FAF1: variants seen among roughly 807,000 people sequenced by gnomAD.
FAF1 encodes FAS-associated factor 1.
Under a neutral mutation model 92.5 loss-of-function variants are expected in FAF1, and 25 were observed. The ratio of observed to expected loss-of-function variants is 0.27; its 90% CI spans 0.20 to 0.38. The LOEUF is 0.38. FAF1 is among the 10% of genes least tolerant of loss of function. FAF1 has a pLI of 1.00. For missense variants in FAF1, 636 were observed against 793.3 expected (o/e 0.80, Z 2.38); for synonymous variants, 234 against 273.2 (o/e 0.86, Z 1.42).
intron 17 of FAF1, among the ~76,000 whole-genome samples, chr1:50,480,973 C>T (rs1646697264): frequency 6.6e-6 from 1 of 151,732 alleles, no homozygotes; most frequent in Admixed American, 6.6e-5. Context: ...TTGTGTAGGC[C>T]TAGCCTAATG....
intron 7 of FAF1, among the ~76,000 whole-genome samples, chr1:50,680,605 C>T (rs1437518162): frequency 1.3e-5 from 2 of 151,966 alleles, no homozygotes; most frequent in African/African-American, 4.8e-5. Context: ...ATCACTTGAA[C>T]CCGAGAGGCA....
chr1:50,693,387 C>CAT (rs1490835061), intron 7 of FAF1, among the ~76,000 whole-genome samples: 1 of 152,120 alleles, frequency 6.6e-6, no homozygotes, highest in Non-Finnish European at 1.5e-5. Context: ...TTCTAGTGCA[C>CAT]TGATCTATCT....
intron 1 of FAF1, among the ~76,000 whole-genome samples, chr1:50,891,195 C>T (rs142926350): frequency 1.1e-4 from 16 of 152,190 alleles, no homozygotes; most frequent in South Asian, 2.1e-4. Context: ...TCTTGTGCCA[C>T]GGTTTTCAGT....
At chr1:50,539,911 C>T (rs1317253009) in intron 13 of FAF1, among the ~76,000 whole-genome samples, 183 bp from the exon 14 acceptor site, 1 of 152,064 alleles carries the variant, frequency 6.6e-6, no homozygotes, top group Non-Finnish European at 1.5e-5. Context: ...AAGTGATTAT[C>T]ATATAGAAAA....
At chr1:50,812,877 A>G (rs974604689) in intron 2 of FAF1, among the ~76,000 whole-genome samples, 2 of 152,210 alleles carry the variant, frequency 1.3e-5, no homozygotes, top group Non-Finnish European at 2.9e-5. Context: ...AGACCACAGA[A>G]TAACTACCCA....
intron 1 of FAF1, among the ~76,000 whole-genome samples, chr1:50,875,994 A>G (rs7545860): frequency 0.013 from 2,035 of 152,314 alleles, 19 homozygotes; most frequent in Middle Eastern, 0.02. Flanking sequence ...GAATGCTCCA[A>G]CTATTGCCCT....
At chr1:50,786,070 T>C (rs1389776689) in intron 4 of FAF1, among the ~76,000 whole-genome samples, 1 of 151,208 alleles carries the variant, frequency 6.6e-6, no homozygotes, top group Non-Finnish European at 1.5e-5. Flanking sequence ...AGTTTGAGGC[T>C]ACAGTGAGCC....
At chr1:50,908,323 T>C (rs1330152923) in intron 1 of FAF1, among the ~76,000 whole-genome samples, 1 of 152,244 alleles carries the variant, frequency 6.6e-6, no homozygotes, top group African/African-American at 2.4e-5. Flanking sequence ...AAGTGTGATG[T>C]GGTGCTGAGA....
intron 3 of FAF1, among the ~76,000 whole-genome samples, chr1:50,794,748 C>A (rs1661683399): frequency 6.6e-6 from 1 of 151,640 alleles, no homozygotes; most frequent in African/African-American, 2.4e-5. Flanking sequence ...CTCAGCCACC[C>A]AAGTAGCTGG....
At chr1:50,728,956 A>T (rs571785390) in intron 6 of FAF1, among the ~76,000 whole-genome samples, 199 of 149,524 alleles carry the variant, frequency 1.3e-3, no homozygotes, top group Non-Finnish European at 2.4e-3. Flanking sequence ...AGATACAGGG[A>T]AAAAAAGTCA....
intron 1 of FAF1, among the ~76,000 whole-genome samples, chr1:50,958,933 A>C (rs1645293302): frequency 6.6e-6 from 1 of 152,204 alleles, no homozygotes; most frequent in Non-Finnish European, 1.5e-5. Context: ...CAAAGGTAGC[A>C]CTCACAGGAT....
At chr1:50,846,420 G>A (rs1644300429) in intron 2 of FAF1, 6 of 386,604 alleles carry the variant, frequency 1.6e-5, no homozygotes, top group Admixed American at 6.4e-5. Context: ...GCCCCTTCGC[G>A]TCCTGGGAAC....
At chr1:50,925,162 T>C (rs1369062484) in intron 1 of FAF1, among the ~76,000 whole-genome samples, 1 of 152,160 alleles carries the variant, frequency 6.6e-6, no homozygotes, top group Non-Finnish European at 1.5e-5. Context: ...TGGATAGTCA[T>C]ATGCAGAGGA....
chr1:50,742,500 C>T (rs1052651060), intron 5 of FAF1, among the ~76,000 whole-genome samples: 1 of 152,148 alleles, frequency 6.6e-6, no homozygotes, highest in East Asian at 1.9e-4. Flanking sequence ...TCTTGTGCCT[C>T]AGCCTCCTGA....
intron 7 of FAF1, among the ~76,000 whole-genome samples, chr1:50,665,709 C>G (rs1325680069): frequency 6.6e-6 from 1 of 152,186 alleles, no homozygotes; most frequent in Admixed American, 6.6e-5. Context: ...TAGGAATTAT[C>G]TGTCTCTTCC....
At chr1:50,640,586 T>C (rs536640058) in intron 8 of FAF1, among the ~76,000 whole-genome samples, 11 of 152,094 alleles carry the variant, frequency 7.2e-5, no homozygotes, top group Admixed American at 2.0e-4. Context: ...TTTAAAATTA[T>C]ATTTGGGCTT....
chr1:50,499,630 A>G (rs535840460), intron 15 of FAF1, among the ~76,000 whole-genome samples: 2 of 152,196 alleles, frequency 1.3e-5, no homozygotes, highest in Non-Finnish European at 2.9e-5. Context: ...AATGTGGAAA[A>G]TTCTAAGGAT....
chr1:50,771,907 A>C (rs1406436378), intron 4 of FAF1, among the ~76,000 whole-genome samples: 3 of 152,102 alleles, frequency 2.0e-5, no homozygotes, highest in African/African-American at 2.4e-5. Flanking sequence ...GTCTCCAAAA[A>C]ACAAACAAAC....
At chr1:50,588,403 C>T (rs1288437425) in intron 9 of FAF1, among the ~76,000 whole-genome samples, 2 of 152,126 alleles carry the variant, frequency 1.3e-5, no homozygotes, top group Admixed American at 6.5e-5. Flanking sequence ...ATCATCTTTC[C>T]GAAATTCCTT....
Sources: allele counts gnomAD v4.1 joint callset (sites outside exome capture counted in the v4.1 genomes callset), GRCh38; gene constraint gnomAD v4.1.1; transcripts MANE v1.5; gene names NCBI Gene and HGNC (gene_info 2026-07-23, HGNC 2026-07-21).